The following PACRG variants were observed in gnomAD, a reference collection of about 807,000 sequenced individuals.
PACRG encodes the protein parkin coregulated gene protein.
Under a neutral mutation model 29.7 loss-of-function variants are expected in PACRG, and 29 were observed. That is an observed-to-expected ratio of 0.98 (90% CI 0.73 to 1.33). PACRG has a LOEUF of 1.33. PACRG is among the 40% of genes most tolerant of loss of function. The pLI is 0.00. For synonymous variants in PACRG, 116 were observed against 118.7 expected (o/e 0.98, Z 0.15); for missense variants, 279 against 316.2 (o/e 0.88, Z 0.89).
chr6:162,803,203 C>A (rs1169184896), intron 1 of PACRG, among the ~76,000 whole-genome samples: 1 of 151,978 alleles, frequency 6.6e-6, no homozygotes, highest in Non-Finnish European at 1.5e-5. Flanking sequence ...AATGGTTATT[C>A]AGGAGAAAAG....
intron 2 of PACRG, among the ~76,000 whole-genome samples, chr6:162,965,992 T>A (rs934062867): frequency 6.6e-6 from 1 of 152,176 alleles, no homozygotes; most frequent in Non-Finnish European, 1.5e-5. Context: ...GATACACCAA[T>A]GTGGATGGTT....
In PACRG at chr6:162,998,117, C is replaced by T. The variant is rs562391278; in HGVS notation, c.292-64033C>T. 3.5e-4 allele frequency among the ~76,000 whole-genome samples: 53 copies of T among 152,258 alleles called. No homozygotes were observed. The South Asian group carries it at 5.2e-3, about 15-fold the overall frequency. On this transcript the variant is annotated intron_variant, in intron 2 of 4. Transcript: ENST00000366888. ...ATATGGAGCACATGGAACTCTGTTC[C>T]GCTGGTAGTGCGTCATAATAGGGGC...
At chr6:162,820,932 T>C (rs1185701228) in intron 2 of PACRG, among the ~76,000 whole-genome samples, 2 of 152,166 alleles carry the variant, frequency 1.3e-5, no homozygotes, top group Non-Finnish European at 2.9e-5. Context: ...TCCTTTGTGA[T>C]TAATTAATAG....
chr6:162,983,592 C>T (rs1159460387), intron 2 of PACRG, among the ~76,000 whole-genome samples: 1 of 151,918 alleles, frequency 6.6e-6, no homozygotes, highest in Admixed American at 6.6e-5. Context: ...ATACGATATT[C>T]TTGGCTGATA....
intron 2 of PACRG, among the ~76,000 whole-genome samples, chr6:162,962,398 A>C (rs886620303): frequency 6.6e-5 from 10 of 152,160 alleles, no homozygotes; most frequent in African/African-American, 2.4e-4. Flanking sequence ...CTGAAGGTGT[A>C]GTTGATGTGA....
chr6:163,054,397 G>C (rs1179706585), intron 2 of PACRG, among the ~76,000 whole-genome samples: 1 of 152,158 alleles, frequency 6.6e-6, no homozygotes, highest in African/African-American at 2.4e-5. Context: ...ACTCGAATAT[G>C]CTGACACCCT....
chr6:162,729,066 A>G (rs1262616586), intron 1 of PACRG, among the ~76,000 whole-genome samples: 1 of 152,204 alleles, frequency 6.6e-6, no homozygotes, highest in Non-Finnish European at 1.5e-5. Flanking sequence ...AGTAATAAAA[A>G]TAAAATATTC....
intron 4 of PACRG, among the ~76,000 whole-genome samples, chr6:163,282,782 A>G (rs1386818175): frequency 6.6e-6 from 1 of 152,138 alleles, no homozygotes; most frequent in Non-Finnish European, 1.5e-5. Flanking sequence ...GGCTTACACC[A>G]TCCAGTGTGT....
chr6:163,076,531 C>G (rs1354394158), intron 3 of PACRG, among the ~76,000 whole-genome samples: 1 of 152,188 alleles, frequency 6.6e-6, no homozygotes, highest in Non-Finnish European at 1.5e-5. Context: ...AGGGCAGACT[C>G]CTCTCCAAAG....
intron 4 of PACRG, among the ~76,000 whole-genome samples, chr6:163,252,948 G>T (rs1408766249): frequency 1.3e-5 from 2 of 152,178 alleles, no homozygotes; most frequent in Non-Finnish European, 2.9e-5. Flanking sequence ...CTTCTCCATT[G>T]CTGCTTTGAC....
chr6:162,905,732 T>G (rs1186889940), intron 2 of PACRG, among the ~76,000 whole-genome samples: 1 of 152,214 alleles, frequency 6.6e-6, no homozygotes, highest in African/African-American at 2.4e-5. Context: ...CAATTAATGT[T>G]GAGCTGTGGT....
chr6:162,974,323 A>G (rs1801774844), intron 2 of PACRG, among the ~76,000 whole-genome samples: 1 of 152,234 alleles, frequency 6.6e-6, no homozygotes, highest in African/African-American at 2.4e-5. Flanking sequence ...ACGAAAATTC[A>G]AGATGTAATG....
At chr6:163,172,406 A>G (rs1444745444) in intron 4 of PACRG, among the ~76,000 whole-genome samples, 2 of 152,222 alleles carry the variant, frequency 1.3e-5, no homozygotes, top group Non-Finnish European at 2.9e-5. Context: ...TTGCTTAAGC[A>G]TTAGGAGAAA....
At chr6:162,808,942 G>A (rs1381133605) in intron 1 of PACRG, among the ~76,000 whole-genome samples, 1 of 145,462 alleles carries the variant, frequency 6.9e-6, no homozygotes. Flanking sequence ...AAGTTGTTTA[G>A]ACAAGCTACA....
At chr6:163,199,688 T>C (rs1780618688) in intron 4 of PACRG, among the ~76,000 whole-genome samples, 1 of 152,184 alleles carries the variant, frequency 6.6e-6, no homozygotes, top group Non-Finnish European at 1.5e-5. Context: ...ATGGCCAGAC[T>C]GAAACTCCAC....
rs190312282 is a variant in PACRG, at chr6:162,848,659, C to T, written c.291+34378C>T. Among the ~76,000 whole-genome samples, 18 of 152,330 alleles carry T rather than the reference C, an allele frequency of 1.2e-4. No individual in the cohort carries two copies. In the East Asian group the frequency reaches 3.3e-3, roughly 28 times the overall value. On this transcript the variant is annotated intron_variant, in intron 2 of 4. Coordinates refer to ENST00000366888, the MANE Select transcript of PACRG (RefSeq NM_001080379.2). ...GGGAACTTTTGAAACACCTTATTTC[C>T]ATTCTTTGTGATTTTACTTAGGATT...
chr6:162,760,306 C>G (rs1332610650), intron 1 of PACRG, among the ~76,000 whole-genome samples: 2 of 152,204 alleles, frequency 1.3e-5, no homozygotes, highest in African/African-American at 4.8e-5. Context: ...AAAGGCAGCA[C>G]TTTCATCACA....
At chr6:163,024,477 G>A (rs1367700228) in intron 2 of PACRG, among the ~76,000 whole-genome samples, 1 of 152,120 alleles carries the variant, frequency 6.6e-6, no homozygotes, top group Non-Finnish European at 1.5e-5. Flanking sequence ...GGTTACTATA[G>A]GCTTACAGTA....
intron 2 of PACRG, among the ~76,000 whole-genome samples, chr6:162,893,947 A>G (rs1047158286): frequency 6.6e-6 from 1 of 152,182 alleles, no homozygotes; most frequent in African/African-American, 2.4e-5. Context: ...TCAATCACGA[A>G]CTCAGTCATT....
Sources: gnomAD v4.1 joint callset for allele counts (sites outside exome capture counted in the v4.1 genomes callset) on GRCh38, gnomAD v4.1.1 for gene constraint, MANE v1.5 for transcripts, NCBI Gene and HGNC (gene_info 2026-07-23, HGNC 2026-07-21) for gene names.